Variants in DLG2 observed in about 807,000 individuals in gnomAD.
DLG2 encodes the protein disks large homolog 2.
Under a neutral mutation model 132.5 loss-of-function variants are expected in DLG2, and 45 were observed. The observed-to-expected ratio is 0.34, with a 90% CI of 0.27 to 0.44. The LOEUF (loss-of-function observed/expected upper bound fraction) is 0.44, where lower values mean the gene tolerates loss of function less well. Among genes scored for constraint, DLG2 ranks in the 20% least tolerant of loss-of-function variants. The pLI is 1.00. For missense variants in DLG2, 1,045 were observed against 1,196.9 expected, an observed-to-expected ratio of 0.87 and a Z score of 1.87; for synonymous variants, 424 against 419.6, an observed-to-expected ratio of 1.01 and a Z score of -0.13.
chr11:83,968,976 G>A (rs1298943147), intron 12 of DLG2, among the ~76,000 whole-genome samples: 1 of 152,010 alleles, frequency 6.6e-6, no homozygotes, highest in Non-Finnish European at 1.5e-5. Context: ...GAAATAACAC[G>A]ATAATAATAA....
chr11:85,417,008 C>T (rs2089921896), intron 3 of DLG2, among the ~76,000 whole-genome samples: 1 of 152,122 alleles, frequency 6.6e-6, no homozygotes, highest in Non-Finnish European at 1.5e-5. Flanking sequence ...AGAGGGCATC[C>T]TTGTCGTATG....
chr11:84,974,689 G>C (rs1311280057), intron 6 of DLG2, among the ~76,000 whole-genome samples: 1 of 152,154 alleles, frequency 6.6e-6, no homozygotes, highest in East Asian at 1.9e-4. Context: ...TTCTTCAAGT[G>C]CATTAAATAG....
intron 6 of DLG2, among the ~76,000 whole-genome samples, chr11:85,100,689 G>A (rs2070721909): frequency 1.3e-5 from 2 of 152,082 alleles, no homozygotes; most frequent in South Asian, 2.1e-4. Flanking sequence ...TTTGCCATCA[G>A]TCTCTCCTTC....
chr11:85,473,216 C>T (rs73503537), intron 3 of DLG2, among the ~76,000 whole-genome samples: 1,576 of 152,340 alleles, frequency 0.01, 27 homozygotes, highest in African/African-American at 0.036. Flanking sequence ...CCAAGCACAG[C>T]CTGCTGGGCT....
intron 4 of DLG2, among the ~76,000 whole-genome samples, chr11:85,247,949 T>C (rs571433303): frequency 6.6e-6 from 1 of 152,234 alleles, no homozygotes; most frequent in Admixed American, 6.6e-5. Context: ...TTCATCATTC[T>C]CTGCAACTTG....
At chr11:84,550,156 A>G (rs1164435531) in intron 6 of DLG2, among the ~76,000 whole-genome samples, 1 of 151,960 alleles carries the variant, frequency 6.6e-6, no homozygotes, top group Admixed American at 6.6e-5. Flanking sequence ...ACACATACAC[A>G]CACATGCATG....
chr11:84,976,915 A>T (rs1251365399), intron 6 of DLG2, among the ~76,000 whole-genome samples: 1 of 152,176 alleles, frequency 6.6e-6, no homozygotes, highest in African/African-American at 2.4e-5. Flanking sequence ...CTCCTGTTTT[A>T]CATTCATTAG....
chr11:84,590,998 T>C (rs2099541349), intron 6 of DLG2, among the ~76,000 whole-genome samples: 1 of 152,140 alleles, frequency 6.6e-6, no homozygotes, highest in African/African-American at 2.4e-5. Flanking sequence ...CTTCCTTATT[T>C]CTCTCACAAT....
chr11:85,479,594 T>C (rs2093236806), intron 3 of DLG2, among the ~76,000 whole-genome samples: 1 of 152,242 alleles, frequency 6.6e-6, no homozygotes, highest in Non-Finnish European at 1.5e-5. Flanking sequence ...TTTGAAATGA[T>C]GCTCAACCTC....
intron 3 of DLG2, among the ~76,000 whole-genome samples, chr11:85,297,014 CATTAT>C (rs1336228125): frequency 1.3e-5 from 2 of 150,346 alleles, no homozygotes; most frequent in Non-Finnish European, 3.0e-5. Flanking sequence ...TAATCATTTC[CATTAT>C]ATTATTTTAA....
chr11:84,319,729 T>C (rs1313000412), intron 7 of DLG2, among the ~76,000 whole-genome samples: 1 of 152,232 alleles, frequency 6.6e-6, no homozygotes, highest in Non-Finnish European at 1.5e-5. Flanking sequence ...ATTTCTATTT[T>C]AATAACTTAG....
intron 3 of DLG2, among the ~76,000 whole-genome samples, chr11:85,321,388 T>C (rs2081057438): frequency 6.6e-6 from 1 of 151,954 alleles, no homozygotes; most frequent in South Asian, 2.1e-4. Flanking sequence ...AGTTTAGAGC[T>C]TAAAAGAAAA....
chr11:84,341,646 G>T (rs955162066), intron 7 of DLG2, among the ~76,000 whole-genome samples: 2 of 152,232 alleles, frequency 1.3e-5, no homozygotes, highest in Non-Finnish European at 2.9e-5. Context: ...CTGCCCAAGG[G>T]CGACTTTACC....
intron 3 of DLG2, among the ~76,000 whole-genome samples, chr11:85,321,127 A>G (rs1302304493): frequency 6.6e-6 from 1 of 151,984 alleles, no homozygotes; most frequent in Non-Finnish European, 1.5e-5. Context: ...TAATGGACAA[A>G]GTGATGAAAA....
intron 18 of DLG2, among the ~76,000 whole-genome samples, chr11:83,656,993 A>C (rs1355286235): frequency 6.6e-6 from 1 of 152,036 alleles, no homozygotes; most frequent in Non-Finnish European, 1.5e-5. Flanking sequence ...GCCTCCTGAA[A>C]TCCTACTCAG....
At chr11:84,959,588 T>C (rs1044816991) in intron 6 of DLG2, among the ~76,000 whole-genome samples, 6 of 152,228 alleles carry the variant, frequency 3.9e-5, no homozygotes, top group Admixed American at 1.3e-4. Flanking sequence ...CAGTGCCTAC[T>C]ACCATGTTAG....
chr11:84,845,992 C>T (rs1286347820), intron 6 of DLG2, among the ~76,000 whole-genome samples: 1 of 151,834 alleles, frequency 6.6e-6, no homozygotes, highest in Non-Finnish European at 1.5e-5. Context: ...TTTTGATTAT[C>T]ATTGTACCTC....
intron 17 of DLG2, among the ~76,000 whole-genome samples, chr11:83,804,982 T>C (rs1028237408): frequency 6.6e-6 from 1 of 152,088 alleles, no homozygotes; most frequent in Middle Eastern, 3.2e-3. Flanking sequence ...GCTTATAGAG[T>C]GTTCTGCATT....
At chr11:84,131,638 C>G (rs2094427409) in intron 9 of DLG2, among the ~76,000 whole-genome samples, 2 of 151,718 alleles carry the variant, frequency 1.3e-5, no homozygotes, top group African/African-American at 4.8e-5. Context: ...ATGGGAGATG[C>G]AGATGGAAAG....
Sources: gnomAD v4.1 joint callset for allele counts (sites outside exome capture counted in the v4.1 genomes callset) on GRCh38, gnomAD v4.1.1 for gene constraint, MANE v1.5 for transcripts, NCBI Gene and HGNC (gene_info 2026-07-23, HGNC 2026-07-21) for gene names.